Variants in CDH22 observed in about 807,000 individuals in gnomAD.
CDH22 encodes cadherin 22.
A neutral mutation model predicts 58.4 loss-of-function variants in CDH22; 30 were observed. The observed-to-expected ratio is 0.51, with a 90% CI of 0.38 to 0.70. The LOEUF (loss-of-function observed/expected upper bound fraction) is 0.70, where lower values mean the gene tolerates loss of function less well. CDH22 is among the 30% of genes least tolerant of loss of function. CDH22 has a pLI of 0.00. For missense variants in CDH22, 1,014 were observed against 1,233.9 expected, an observed-to-expected ratio of 0.82 and a Z score of 2.67; for synonymous variants, 513 against 558.2, an observed-to-expected ratio of 0.92 and a Z score of 1.14.
At chr20:46,227,477 G>C in intron 4 of CDH22, 31 bp downstream of exon 4, 2 of 1,366,178 alleles carry the variant, frequency 1.5e-6, no homozygotes, top group Admixed American at 2.0e-5. Flanking sequence ...CCGCCCCACG[G>C]CTCCGCCTCT....
chr20:46,276,866 G>A (rs1272249486), intron 1 of CDH22, among the ~76,000 whole-genome samples: 2 of 152,216 alleles, frequency 1.3e-5, no homozygotes, highest in Non-Finnish European at 2.9e-5. Context: ...GATGTCAAAT[G>A]GATGGTTTAT....
At chr20:46,268,093 G>A (rs1447241155) in intron 1 of CDH22, among the ~76,000 whole-genome samples, 2 of 152,282 alleles carry the variant, frequency 1.3e-5, no homozygotes, top group Non-Finnish European at 2.9e-5. Context: ...CCCGCCTAAA[G>A]GCATGACGTG....
chr20:46,190,443 A>G (rs2085855442), intron 8 of CDH22, among the ~76,000 whole-genome samples: 1 of 152,322 alleles, frequency 6.6e-6, no homozygotes, highest in Non-Finnish European at 1.5e-5. Context: ...ATTCAGTGGC[A>G]GCTATGGCTT....
rs370588714 is a variant in CDH22 at position 46,231,224 on chromosome 20, G to A, written c.551-3597C>T. 1.5e-4 allele frequency among the ~76,000 whole-genome samples: 23 copies of A among 152,316 alleles called. No individual in the cohort carries two copies. In the East Asian group the frequency reaches 2.3e-3, roughly 15 times the overall value. ...CTGGAATGGGAAGGGTTGCCCAACT[G>A]ATTCTTGGCTAAACAGGATCTCAGG... On this transcript the variant is annotated intron_variant, in intron 3 of 11. Transcript: ENST00000537909.
Position 46,216,598 on chromosome 20 carries a change from G to A in CDH22, c.838+228C>T, listed in dbSNP as rs1020620769. On this transcript the variant is annotated intron_variant, in intron 5 of 11. Coordinates refer to ENST00000537909, the MANE Select transcript of CDH22 (RefSeq NM_021248.3). The surrounding 1 kb of genome is among the most constrained non-coding windows in gnomAD (Gnocchi z 5.3). ...TGGGAAGGTGATGGTGTGTTACTTG[G>A]CTCTGTGGAGCATCGGACAGCCCTG... Among the ~76,000 whole-genome samples the A allele has an allele frequency of 9.2e-5, 14 of 152,138 alleles. No individual in the cohort carries two copies. The highest frequency in any genetic ancestry group is 1.3e-4 in the Non-Finnish European group (9 of 68,024).
chr20:46,267,402 A>C (rs563970484), intron 1 of CDH22, among the ~76,000 whole-genome samples: 1 of 152,286 alleles, frequency 6.6e-6, no homozygotes, highest in South Asian at 2.1e-4. Flanking sequence ...GTGAGCTCTT[A>C]TTGCTCTTAT....
Position 46,210,182 on chromosome 20 carries a change from C to A in CDH22, c.1286+125G>T. 1.9e-6 allele frequency: 2 copies of A among 1,029,376 alleles called. No individual in the cohort carries two copies. The highest frequency in any genetic ancestry group is 4.7e-5 in the South Asian group (2 of 42,682). 63.8% of individuals were successfully genotyped at this position (1,029,376 alleles called of 1,614,324 possible). A position where few individuals can be genotyped will look rare whatever the true frequency, so the allele number is the denominator to read the frequency against. On this transcript the variant is annotated intron_variant, in intron 7 of 11. Transcript: ENST00000537909. The surrounding 1 kb of genome is among the most constrained non-coding windows in gnomAD (Gnocchi z 4.5). Reference sequence around the variant, plus strand: ...CGTGCGCCTCTCTCCGCGCCTCCCTCCCCCACGCAGCCCCTTCCTTCGGCC... The same window carrying A: ...CGTGCGCCTCTCTCCGCGCCTCCCTACCCCACGCAGCCCCTTCCTTCGGCC...
chr20:46,247,065 A>G (rs559818148), intron 2 of CDH22, among the ~76,000 whole-genome samples: 1 of 152,098 alleles, frequency 6.6e-6, no homozygotes, highest in African/African-American at 2.4e-5. Context: ...ACTTAGTGGT[A>G]AGAAACTATA....
chr20:46,292,847 C>T, intron 1 of CDH22, among the ~76,000 whole-genome samples: 1 of 152,056 alleles, frequency 6.6e-6, no homozygotes, highest in East Asian at 1.9e-4. Flanking sequence ...TTTCTGATTC[C>T]TGCAGGCAGA....
At chr20:46,211,303 G>C (rs994501896) in intron 6 of CDH22, among the ~76,000 whole-genome samples, 2 of 152,144 alleles carry the variant, frequency 1.3e-5, no homozygotes, top group African/African-American at 4.8e-5. Context: ...GGAGCGATCT[G>C]ATTGGCAAGA....
chr20:46,287,981 A>G (rs1241426602), intron 1 of CDH22, among the ~76,000 whole-genome samples: 1 of 152,146 alleles, frequency 6.6e-6, no homozygotes, highest in Non-Finnish European at 1.5e-5. Flanking sequence ...CTCGGGATAT[A>G]GTAGGAATGC....
At chr20:46,221,525 T>C (rs554895482) in intron 4 of CDH22, among the ~76,000 whole-genome samples, 10 of 152,312 alleles carry the variant, frequency 6.6e-5, no homozygotes, top group African/African-American at 2.4e-4. Flanking sequence ...CTCAGGACTG[T>C]GTTCCAGGAC....
chr20:46,255,570 C>T lies in CDH22; in HGVS notation c.-399-3877G>A, dbSNP rs575459455. 2.0e-5 allele frequency among the ~76,000 whole-genome samples: 3 copies of T among 152,226 alleles called. No individual in the cohort carries two copies. The East Asian group carries it at 5.8e-4, about 29-fold the overall frequency. On this transcript the variant is annotated intron_variant, in intron 1 of 11. Transcript: ENST00000537909. ...GGAGCCCTGGCCCTCCCATCCTCAC[C>T]TCTCCCTCCCCTTCCTGGCCCTTCA...
In CDH22 at chr20:46,186,743, G is replaced by A. The variant is rs377482864; in HGVS notation, c.1546-38C>T. Reference sequence around the variant, plus strand: ...GAGGGGATAGAGGGCTAGTGGTGAGGCTGAGACCACTCTGGGTCGAGGTAG... The same window carrying A: ...GAGGGGATAGAGGGCTAGTGGTGAGACTGAGACCACTCTGGGTCGAGGTAG... On this transcript the variant is annotated intron_variant, in intron 9 of 11. Coordinates refer to ENST00000537909, the MANE Select transcript of CDH22 (RefSeq NM_021248.3). 1.7e-4 allele frequency: 274 copies of A among 1,605,780 alleles called. 1 individual carries two copies. In the South Asian group the frequency reaches 2.3e-3, roughly 14 times the overall value.
intron 11 of CDH22, 93 bp from the exon 12 acceptor site, chr20:46,175,170 G>A (rs933213756): frequency 2.4e-6 from 3 of 1,252,902 alleles, no homozygotes; most frequent in Non-Finnish European, 2.2e-6. Context: ...CTCCCACCCA[G>A]CAGAGCGGGC....
rs537503201 is a variant in CDH22, at chr20:46,279,577, A to G, written c.-399-27884T>C. 2.0e-5 allele frequency among the ~76,000 whole-genome samples: 3 copies of G among 152,304 alleles called. No homozygotes were observed. The South Asian group carries it at 6.2e-4, about 32-fold the overall frequency. ...ATTTACATTAAAAATACCACAAAAC[A>G]ATGCTAGTTATTTTCTGTGGGTACA... is the stretch of plus-strand genomic sequence containing the variant. On this transcript the variant is annotated intron_variant, in intron 1 of 11. Coordinates refer to ENST00000537909, the MANE Select transcript of CDH22 (RefSeq NM_021248.3).
chr20:46,266,406 C>T lies in CDH22; in HGVS notation c.-399-14713G>A, dbSNP rs369158807. 1.6e-4 allele frequency among the ~76,000 whole-genome samples: 25 copies of T among 152,294 alleles called. No homozygotes were observed. The East Asian group carries it at 4.6e-3, about 28-fold the overall frequency. On this transcript the variant is annotated intron_variant, in intron 1 of 11. Transcript: ENST00000537909. ...GGTCTTGTGGAGCACCCGTCCTGTG[C>T]CTAGCATTGTGTCTCACCAAGGCAG...
Position 46,174,545 on chromosome 20 carries a change from G to A in CDH22, c.2448C>T (p.Tyr816=), listed in dbSNP as rs1466896267. ...GPRFRPLAAL[Y]AGHRGDDEAQ... is the part of the protein sequence containing the mutation. ...CCTCGTCGTCCCCGCGGTGGCCGGC[G>A]TAGAGCGCGGCCAGGGGCCGGAAGC... Residue 816 remains tyrosine (Y), a synonymous_variant, in exon 12 of 12, where the codon TAC becomes TAT. Coordinates refer to ENST00000537909, the MANE Select transcript of CDH22 (RefSeq NM_021248.3). The surrounding 1 kb of genome is among the most constrained non-coding windows in gnomAD (Gnocchi z 4.4). 1.3e-6 allele frequency: 2 copies of A among 1,523,708 alleles called. No individual in the cohort carries two copies. Among genetic ancestry groups the A allele is most frequent in the East Asian group, 2.5e-5 (1 of 39,520 alleles). The allele number at this position is 1,523,708 out of a possible 1,614,324, so 94.4% of individuals were successfully genotyped here. A position where few individuals can be genotyped will look rare whatever the true frequency, so the allele number is the denominator to read the frequency against.
chr20:46,244,734 G>A (rs1356158992), intron 2 of CDH22, among the ~76,000 whole-genome samples: 1 of 152,216 alleles, frequency 6.6e-6, no homozygotes, highest in East Asian at 1.9e-4. Context: ...AGGGGAAGGG[G>A]GGAAGGAGTG....
Sources: gnomAD v4.1 joint callset for allele counts (sites outside exome capture counted in the v4.1 genomes callset) on GRCh38, gnomAD v4.1.1 for gene constraint, Gnocchi (gnomAD v3.1) non-coding constraint, MANE v1.5 for transcripts, NCBI Gene and HGNC (gene_info 2026-07-23, HGNC 2026-07-21) for gene names.